LRRC4C: variants seen among roughly 807,000 people sequenced by gnomAD.
The protein encoded by LRRC4C is leucine rich repeat containing 4C.
LRRC4C carries 5 observed loss-of-function variants against 33.6 expected under a neutral mutation model. The observed-to-expected ratio is 0.15, with a 90% CI of 0.08 to 0.31. LRRC4C has a LOEUF of 0.31. Among genes scored for constraint, LRRC4C ranks in the 10% least tolerant of loss-of-function variants. The pLI, the probability that LRRC4C is intolerant of heterozygous loss-of-function variation, is 1.00. For synonymous variants in LRRC4C, 329 were observed against 302.0 expected, an observed-to-expected ratio of 1.09 and a Z score of -0.93; for missense variants, 560 against 796.7, an observed-to-expected ratio of 0.70 and a Z score of 3.58.
At chr11:40,649,111 A>C (rs1257805014) in intron 2 of LRRC4C, among the ~76,000 whole-genome samples, 3 of 152,206 alleles carry the variant, frequency 2.0e-5, no homozygotes, top group African/African-American at 4.8e-5. Context: ...TCAGCTGTGC[A>C]TGTATTGTCT....
intron 2 of LRRC4C, among the ~76,000 whole-genome samples, chr11:40,796,647 T>TTA (rs1950840130): frequency 7.3e-6 from 1 of 137,604 alleles, no homozygotes; most frequent in Admixed American, 7.0e-5. Flanking sequence ...TTTTTTTTTT[T>TTA]TTTTTTTTTT....
chr11:40,430,634 A>C (rs2137843903), intron 3 of LRRC4C, among the ~76,000 whole-genome samples: 1 of 152,182 alleles, frequency 6.6e-6, no homozygotes, highest in Non-Finnish European at 1.5e-5. Context: ...TCAGCACAGA[A>C]ATTTCTTTAT....
chr11:40,117,773 T>C (rs1387947633), intron 6 of LRRC4C, among the ~76,000 whole-genome samples: 4 of 151,998 alleles, frequency 2.6e-5, no homozygotes, highest in Non-Finnish European at 4.4e-5. Context: ...TTCGTACCCA[T>C]TATGTGTCAC....
In LRRC4C at chr11:40,179,399, T is replaced by C. The variant is rs17385736; in HGVS notation, c.-95-38546A>G. 8.7e-3 allele frequency among the ~76,000 whole-genome samples: 1,328 copies of C among 152,314 alleles called. 13 individuals are homozygous for C. Among genetic ancestry groups the C allele is most frequent in the Admixed American group, 0.021 (328 of 15,304 alleles). ...AGTCCTCACTGAAACACAGAAATTCTTTGAGGCTTAGTTTTCACATCAGGA... is the reference window on the plus strand; with the variant it reads ...AGTCCTCACTGAAACACAGAAATTCCTTGAGGCTTAGTTTTCACATCAGGA... On this transcript the variant is annotated intron_variant, in intron 5 of 6. Coordinates refer to ENST00000528697, the MANE Select transcript of LRRC4C (RefSeq NM_001258419.2).
intron 5 of LRRC4C, among the ~76,000 whole-genome samples, chr11:40,223,220 T>C (rs910785360): frequency 6.6e-6 from 1 of 152,030 alleles, no homozygotes; most frequent in African/African-American, 2.4e-5. Flanking sequence ...TAGCATCACT[T>C]CTTATCATGT....
In LRRC4C at chr11:40,188,802, A is replaced by G. The variant is rs566311402; in HGVS notation, c.-95-47949T>C. Among the ~76,000 whole-genome samples the G allele has an allele frequency of 2.2e-5, 3 of 139,472 alleles. No individual in the cohort carries two copies. In the South Asian group the frequency reaches 7.8e-4, roughly 36 times the overall value. The allele number at this position is 139,472 out of a possible 152,430, so 91.5% of individuals were successfully genotyped here. A position where few individuals can be genotyped will look rare whatever the true frequency, so the allele number is the denominator to read the frequency against. ...TTCCTGGAAAGAGGCTTTAAAGTAGACCTTGATGACATGAAATGAAAAGGA... is the reference window on the plus strand; with the variant it reads ...TTCCTGGAAAGAGGCTTTAAAGTAGGCCTTGATGACATGAAATGAAAAGGA... On this transcript the variant is annotated intron_variant, in intron 5 of 6. Transcript: ENST00000528697.
intron 1 of LRRC4C, among the ~76,000 whole-genome samples, chr11:41,383,186 A>G (rs1217803028): frequency 2.0e-5 from 3 of 152,114 alleles, no homozygotes; most frequent in Non-Finnish European, 1.5e-5. Context: ...CATCTGTCCA[A>G]TCAGAGTTGT....
chr11:40,933,439 C>T (rs1247217818), intron 2 of LRRC4C, among the ~76,000 whole-genome samples, 196 bp downstream of exon 2: 7 of 152,202 alleles, frequency 4.6e-5, no homozygotes, highest in African/African-American at 7.2e-5. Flanking sequence ...TATGAAACAA[C>T]GTTTCTTTCT....
chr11:40,777,813 G>A (rs961245823), intron 2 of LRRC4C, among the ~76,000 whole-genome samples: 6 of 151,544 alleles, frequency 4.0e-5, no homozygotes, highest in African/African-American at 7.3e-5. Context: ...TCAGCCTCCC[G>A]AGTAGCTGGG....
At chr11:40,858,722 T>C (rs566977148) in intron 2 of LRRC4C, among the ~76,000 whole-genome samples, 33 of 145,834 alleles carry the variant, frequency 2.3e-4, no homozygotes, top group African/African-American at 7.7e-4. Flanking sequence ...AAAAAAAGAT[T>C]GTGTGCAACT....
chr11:40,184,724 C>G (rs1439783266), intron 5 of LRRC4C, among the ~76,000 whole-genome samples: 1 of 152,100 alleles, frequency 6.6e-6, no homozygotes, highest in African/African-American at 2.4e-5. Context: ...TTCACTATCT[C>G]GAAAGAAGAG....
chr11:40,618,660 G>A (rs1241301168), intron 3 of LRRC4C, among the ~76,000 whole-genome samples: 1 of 151,736 alleles, frequency 6.6e-6, no homozygotes, highest in Non-Finnish European at 1.5e-5. Context: ...AACTGCTCAT[G>A]AGCCTGCCAT....
chr11:40,233,772 C>T (rs1017226616), intron 5 of LRRC4C, among the ~76,000 whole-genome samples: 1 of 152,060 alleles, frequency 6.6e-6, no homozygotes, highest in Non-Finnish European at 1.5e-5. Context: ...AAGTGATTTT[C>T]ATTACTTTAA....
Position 40,854,027 on chromosome 11 carries a change from CA to C in LRRC4C, c.-407+79607del, listed in dbSNP as rs374732552. On this transcript the variant is annotated intron_variant, in intron 2 of 6. Coordinates refer to ENST00000528697, the MANE Select transcript of LRRC4C (RefSeq NM_001258419.2). ...AATTCAAATAAAACTACTCTCTTCT[CA>C]AACGATGCCTTCTTGAAACCAGTAG... is the stretch of plus-strand genomic sequence containing the variant. 1.3e-4 allele frequency among the ~76,000 whole-genome samples: 19 copies of C among 140,786 alleles called. 2 individuals are homozygous for C. Among genetic ancestry groups the C allele is most frequent in the African/African-American group, 5.7e-4 (19 of 33,446 alleles). The allele number at this position is 140,786 out of a possible 152,430, so 92.4% of individuals were successfully genotyped here.
At chr11:40,719,800 G>A (rs911949276) in intron 2 of LRRC4C, among the ~76,000 whole-genome samples, 5 of 152,134 alleles carry the variant, frequency 3.3e-5, no homozygotes, top group African/African-American at 9.7e-5. Flanking sequence ...GAGCTTTGTG[G>A]ATATTCAGTG....
Position 40,388,960 on chromosome 11 carries a change from G to T in LRRC4C, c.-269-69239C>A, listed in dbSNP as rs558744464. On this transcript the variant is annotated intron_variant, in intron 3 of 6. Coordinates refer to ENST00000528697, the MANE Select transcript of LRRC4C (RefSeq NM_001258419.2). Reference sequence around the variant, plus strand: ...GTTTATTTTGTAATATTAGTCACGTGTTCACTTGTTTTGCGTTCATTCTAG... The same window carrying T: ...GTTTATTTTGTAATATTAGTCACGTTTTCACTTGTTTTGCGTTCATTCTAG... Among the ~76,000 whole-genome samples, 9 of 152,206 alleles carry T rather than the reference G, an allele frequency of 5.9e-5. No individual in the cohort carries two copies. The South Asian group carries it at 1.9e-3, about 32-fold the overall frequency.
chr11:40,493,172 T>C (rs1002061391), intron 3 of LRRC4C, among the ~76,000 whole-genome samples: 13 of 151,924 alleles, frequency 8.6e-5, no homozygotes, highest in Non-Finnish European at 1.6e-4. Flanking sequence ...CACAGCAGTA[T>C]AGAAATTTAA....
chr11:41,260,369 G>A (rs1341225495), intron 1 of LRRC4C, among the ~76,000 whole-genome samples: 4 of 151,942 alleles, frequency 2.6e-5, no homozygotes, highest in African/African-American at 9.7e-5. Flanking sequence ...AACCAAGGGT[G>A]GAATTCAAAA....
intron 5 of LRRC4C, among the ~76,000 whole-genome samples, chr11:40,172,759 G>A (rs756249322): frequency 1.3e-5 from 2 of 152,038 alleles, no homozygotes; most frequent in African/African-American, 2.4e-5. Flanking sequence ...CATCACTCTC[G>A]ATTCATAATG....
Sources: gnomAD v4.1 joint callset for allele counts (sites outside exome capture counted in the v4.1 genomes callset) on GRCh38, gnomAD v4.1.1 for gene constraint, MANE v1.5 for transcripts, NCBI Gene and HGNC (gene_info 2026-07-23, HGNC 2026-07-21) for gene names.